The following CARMIL1 variants were observed in gnomAD, a reference collection of about 807,000 sequenced individuals.
CARMIL1 encodes capping protein regulator and myosin 1 linker 1, also known as F-actin-uncapping protein LRRC16A.
Under a neutral mutation model 177.1 loss-of-function variants are expected in CARMIL1, and 90 were observed. The observed-to-expected ratio is 0.51, with a 90% CI of 0.43 to 0.61. The LOEUF (loss-of-function observed/expected upper bound fraction) is 0.61, where lower values mean the gene tolerates loss of function less well. Ranked by LOEUF, CARMIL1 falls within the 20% of genes least tolerant of loss-of-function variation. CARMIL1 has a pLI of 0.00. For synonymous variants in CARMIL1, 577 were observed against 606.2 expected (o/e 0.95, Z 0.71); for missense variants, 1,380 against 1,667.0 (o/e 0.83, Z 3.00).
At chr6:25,586,669 A>T (rs569690675) in intron 31 of CARMIL1, among the ~76,000 whole-genome samples, 2 of 152,154 alleles carry the variant, frequency 1.3e-5, no homozygotes, top group Non-Finnish European at 2.9e-5. Context: ...GGCAACATTG[A>T]GCATTGAGTG....
intron 20 of CARMIL1, among the ~76,000 whole-genome samples, chr6:25,512,860 A>C (rs1219977595): frequency 6.6e-6 from 1 of 152,180 alleles, no homozygotes; most frequent in Non-Finnish European, 1.5e-5. Context: ...AACCAGTAGA[A>C]CAGAATGTGA....
intron 23 of CARMIL1, among the ~76,000 whole-genome samples, chr6:25,522,814 G>C (rs1806707457): frequency 6.6e-6 from 1 of 152,050 alleles, no homozygotes. Flanking sequence ...ATACTTCATT[G>C]ATTGATTGAT....
At chr6:25,368,372 A>T (rs183030003) in intron 2 of CARMIL1, among the ~76,000 whole-genome samples, 4 of 152,200 alleles carry the variant, frequency 2.6e-5, no homozygotes, top group African/African-American at 9.6e-5. Flanking sequence ...TCCCTGCCCT[A>T]GGAAAAGTAG....
chr6:25,600,649 C>T lies in CARMIL1; in HGVS notation c.3455C>T (p.Pro1152Leu), dbSNP rs761468069. 2 of 1,613,494 alleles carry T rather than the reference C, an allele frequency of 1.2e-6. No homozygotes were observed. The highest frequency in any genetic ancestry group is 1.7e-6 in the Non-Finnish European group (2 of 1,179,672). The change falls in exon 33 of 37, where the codon CCA becomes CTA. Residue 1152 changes from proline to leucine, a missense_variant. By Grantham distance (98) the Pro-to-Leu change is moderately conservative. Coordinates refer to ENST00000329474, the MANE Select transcript of CARMIL1 (RefSeq NM_017640.6). Reference sequence around the variant, plus strand: ...GAACGGAGTGACAGCAAGAGCAGCCCACAGGCAGGGCGGAGGTATGGGGTC... The same window carrying T: ...GAACGGAGTGACAGCAAGAGCAGCCTACAGGCAGGGCGGAGGTATGGGGTC... ...KVERSDSKSS[P>L]QAGRRYGVQV...
chr6:25,430,822 T>G (rs1040990822), intron 4 of CARMIL1, among the ~76,000 whole-genome samples: 1 of 152,224 alleles, frequency 6.6e-6, no homozygotes, highest in Non-Finnish European at 1.5e-5. Context: ...TGGTAGTTTG[T>G]GTCTTTTAAG....
intron 31 of CARMIL1, among the ~76,000 whole-genome samples, chr6:25,594,089 C>T (rs1248108964): frequency 6.6e-6 from 1 of 152,176 alleles, no homozygotes; most frequent in African/African-American, 2.4e-5. Context: ...TCCATGCACT[C>T]CCTTTCCCCT....
At chr6:25,532,333 C>T (rs1347290134) in intron 24 of CARMIL1, among the ~76,000 whole-genome samples, 2 of 151,998 alleles carry the variant, frequency 1.3e-5, no homozygotes, top group Admixed American at 6.6e-5. Context: ...CTTAAAAGTA[C>T]GTTTCATCTA....
chr6:25,433,745 C>T (rs978997876), intron 4 of CARMIL1, among the ~76,000 whole-genome samples: 8 of 152,160 alleles, frequency 5.3e-5, no homozygotes, highest in African/African-American at 1.7e-4. Flanking sequence ...TTATCAAATA[C>T]TCGTTGACAG....
chr6:25,512,157 A>C (rs532174019), intron 20 of CARMIL1, among the ~76,000 whole-genome samples: 1 of 152,162 alleles, frequency 6.6e-6, no homozygotes, highest in Non-Finnish European at 1.5e-5. Context: ...TTCTTAACAC[A>C]TACTTTAGGA....
At chr6:25,312,962 A>G (rs2252012) in intron 2 of CARMIL1, among the ~76,000 whole-genome samples, 77,318 of 150,366 alleles carry the variant, frequency 0.51, 20,018 homozygotes, top group Middle Eastern at 0.57. Flanking sequence ...GAGAGAAGAA[A>G]CCCTTGTTTC....
At chr6:25,342,610 C>T (rs1316348621) in intron 2 of CARMIL1, among the ~76,000 whole-genome samples, 1 of 84,552 alleles carries the variant, frequency 1.2e-5, no homozygotes, top group Non-Finnish European at 2.5e-5. Context: ...GGCTTGAAAT[C>T]TTTCTTTATT....
At chr6:25,427,752 A>G (rs1796400422) in intron 4 of CARMIL1, among the ~76,000 whole-genome samples, 1 of 152,196 alleles carries the variant, frequency 6.6e-6, no homozygotes, top group African/African-American at 2.4e-5. Context: ...TAGCCATTCA[A>G]CAAGTATGTA....
chr6:25,514,522 C>CT (rs1805776333), intron 20 of CARMIL1, among the ~76,000 whole-genome samples: 1 of 127,562 alleles, frequency 7.8e-6, no homozygotes, highest in Non-Finnish European at 1.6e-5. Context: ...AGCACTCCAG[C>CT]TTGGGGGGAC....
At chr6:25,500,125 G>A in intron 16 of CARMIL1, 41 bp from the exon 17 acceptor site, 1 of 1,565,586 alleles carries the variant, frequency 6.4e-7, no homozygotes, top group South Asian at 1.1e-5. Context: ...TTTGGGCAGT[G>A]TGTGGAATGT....
At chr6:25,283,592 T>G (rs1306085899) in intron 1 of CARMIL1, among the ~76,000 whole-genome samples, 1 of 152,172 alleles carries the variant, frequency 6.6e-6, no homozygotes, top group African/African-American at 2.4e-5. Flanking sequence ...AAATGTGAAG[T>G]CTCCAGATTT....
chr6:25,482,651 A>T (rs1802235676), intron 12 of CARMIL1, among the ~76,000 whole-genome samples: 1 of 152,168 alleles, frequency 6.6e-6, no homozygotes, highest in Admixed American at 6.5e-5. Flanking sequence ...TCCAAGATGC[A>T]CCTGGTTGTG....
Position 25,603,947 on chromosome 6 carries a change from A to G in CARMIL1, c.3553-865A>G, listed in dbSNP as rs187233744. On this transcript the variant is annotated intron_variant, in intron 33 of 36. Transcript: ENST00000329474. ...TATTCGGTCCTGTTCATCTGTATTT[A>G]CCTCCTAAATAATAGATCTGTGTCA... Among the ~76,000 whole-genome samples the G allele has an allele frequency of 2.8e-4, 43 of 152,078 alleles. 1 individual carries two copies. Among genetic ancestry groups the G allele is most frequent in the Admixed American group, 7.2e-4 (11 of 15,294 alleles).
chr6:25,415,211 G>A (rs1451272896), intron 2 of CARMIL1, among the ~76,000 whole-genome samples: 2 of 151,570 alleles, frequency 1.3e-5, no homozygotes, highest in Non-Finnish European at 2.9e-5. Context: ...CACCCAGGCT[G>A]GGGTGCAGTG....
intron 2 of CARMIL1, among the ~76,000 whole-genome samples, chr6:25,359,787 G>A (rs188337236): frequency 3.3e-4 from 51 of 152,296 alleles, no homozygotes; most frequent in African/African-American, 1.2e-3. Flanking sequence ...CATGAGTCTG[G>A]CTTTTCCCTT....
Sources: allele counts gnomAD v4.1 joint callset (sites outside exome capture counted in the v4.1 genomes callset), GRCh38; gene constraint gnomAD v4.1.1; transcripts MANE v1.5; gene names NCBI Gene and HGNC (gene_info 2026-07-23, HGNC 2026-07-21).